Variants in PKD1L1 observed in about 807,000 individuals in gnomAD.
PKD1L1 encodes polycystin 1 like 1, transient receptor potential channel interacting.
Under a neutral mutation model 323.4 loss-of-function variants are expected in PKD1L1, and 236 were observed. The observed-to-expected ratio is 0.73, with a 90% CI of 0.66 to 0.81. The LOEUF (loss-of-function observed/expected upper bound fraction) is 0.81, where lower values mean the gene tolerates loss of function less well. Ranked by LOEUF, PKD1L1 falls within the 40% of genes least tolerant of loss-of-function variation. The pLI, the probability that PKD1L1 is intolerant of heterozygous loss-of-function variation, is 0.00. For synonymous variants in PKD1L1, 1,344 were observed against 1,335.0 expected (o/e 1.01, Z -0.15); for missense variants, 3,320 against 3,508.0 (o/e 0.95, Z 1.35).
chr7:47,944,965 C>T (rs143180456), intron 1 of PKD1L1, among the ~76,000 whole-genome samples: 1 of 152,174 alleles, frequency 6.6e-6, no homozygotes, highest in Non-Finnish European at 1.5e-5. Flanking sequence ...CCATTCCCAG[C>T]GACAGGGCAA....
At chr7:47,956,223 A>G in the PKD1L1 span, among the ~76,000 whole-genome samples, 1 of 152,204 alleles carries the variant, frequency 6.6e-6, no homozygotes, top group Admixed American at 6.5e-5. Flanking sequence ...GCAAGCCCAC[A>G]TAGCACCGCA....
upstream of PKD1L1, among the ~76,000 whole-genome samples, chr7:47,949,932 G>A (rs1788179156): frequency 6.6e-6 from 1 of 152,140 alleles, no homozygotes; most frequent in Non-Finnish European, 1.5e-5. Flanking sequence ...TGTCTCCTGG[G>A]GCCTGCTGCC....
intron 8 of PKD1L1, among the ~76,000 whole-genome samples, chr7:47,910,806 G>A (rs901907734): frequency 2.1e-5 from 3 of 140,344 alleles, no homozygotes; most frequent in Admixed American, 1.4e-4. Context: ...ACAGGTGTCC[G>A]CCACCACGCC....
intron 45 of PKD1L1, among the ~76,000 whole-genome samples, chr7:47,822,031 A>G (rs1170192164): frequency 1.3e-5 from 2 of 152,098 alleles, no homozygotes; most frequent in African/African-American, 4.8e-5. Context: ...CCATTGGATC[A>G]TCTTTCTCTC....
chr7:47,892,538 A>G (rs1198109354), intron 15 of PKD1L1, among the ~76,000 whole-genome samples: 2 of 152,136 alleles, frequency 1.3e-5, no homozygotes, highest in African/African-American at 4.8e-5. Flanking sequence ...TTTTAAAAGA[A>G]TCTGTCTCCA....
chr7:47,898,271 G>T, intron 13 of PKD1L1, 77 bp from the exon 14 acceptor site: 1 of 1,222,942 alleles, frequency 8.2e-7, no homozygotes, highest in Non-Finnish European at 1.2e-6. Context: ...TAGAAACTTA[G>T]TCTTAACTGT....
In PKD1L1 at chr7:47,809,610, T is replaced by C. The variant is rs370387311; in HGVS notation, c.7582-33A>G. ...AGAGAATGTAAACAAACAAGATCAATAGGAATGCTGATAAATTGTTTTTTG... is the reference window on the plus strand; with the variant it reads ...AGAGAATGTAAACAAACAAGATCAACAGGAATGCTGATAAATTGTTTTTTG... On this transcript the variant is annotated intron_variant, in intron 50 of 56. Coordinates refer to ENST00000289672, the MANE Select transcript of PKD1L1 (RefSeq NM_138295.5). 1.8e-5 allele frequency: 26 copies of C among 1,467,110 alleles called. No individual in the cohort carries two copies. The African/African-American group carries it at 3.0e-4, about 17-fold the overall frequency. 90.9% of individuals were successfully genotyped at this position (1,467,110 alleles called of 1,614,324 possible). A position where few individuals can be genotyped will look rare whatever the true frequency, so the allele number is the denominator to read the frequency against.
the PKD1L1 span, among the ~76,000 whole-genome samples, chr7:47,956,024 A>G: frequency 0.47 from 70,523 of 151,530 alleles, 16,923 homozygotes; most frequent in East Asian, 0.53. Flanking sequence ...CCAAACGGAG[A>G]AGTGAAGCTT....
At chr7:47,923,710 C>T (rs973851174) in intron 7 of PKD1L1, among the ~76,000 whole-genome samples, 1 of 151,708 alleles carries the variant, frequency 6.6e-6, no homozygotes, top group Non-Finnish European at 1.5e-5. Flanking sequence ...TGATTAGAAG[C>T]CAACGCCATT....
chr7:47,958,536 G>A, the PKD1L1 span, among the ~76,000 whole-genome samples: 1 of 152,064 alleles, frequency 6.6e-6, no homozygotes, highest in East Asian at 1.9e-4. Context: ...TGGGCAAGAA[G>A]TTTATGAACA....
chr7:47,865,164 C>A (rs2128743738), intron 26 of PKD1L1, 52 bp downstream of exon 26: 1 of 1,327,772 alleles, frequency 7.5e-7, no homozygotes, highest in East Asian at 2.3e-5. Flanking sequence ...TGATCATGTC[C>A]CTCAAAACTA....
chr7:47,909,610 C>T (rs888096685), intron 8 of PKD1L1, among the ~76,000 whole-genome samples: 4 of 152,212 alleles, frequency 2.6e-5, no homozygotes, highest in African/African-American at 9.7e-5. Flanking sequence ...CATCACAGAA[C>T]ACTTAGTACA....
At position 47,815,339 on chromosome 7, in the gene PKD1L1, C is replaced by A. The variant is rs749522257; in HGVS notation, c.7084G>T (p.Ala2362Ser). Residue 2362 changes from alanine (A) to serine (S), a missense_variant, in exon 47 of 57, where the codon GCT becomes TCT. Transcript: ENST00000289672. ...GGTPSARVPG[A>S]QPGALGGKCY... ...AGAGGAGACGGAAAGCTCACCTGAG[C>A]CCCCGGCACACGGGCTGACGGGGTG... 1.2e-5 allele frequency: 19 copies of A among 1,613,136 alleles called. No homozygotes were observed. The East Asian group carries it at 4.2e-4, about 36-fold the overall frequency.
At chr7:47,818,046 T>C in intron 46 of PKD1L1, 1 of 1,367,706 alleles carries the variant, frequency 7.3e-7, no homozygotes, top group Non-Finnish European at 9.8e-7. Flanking sequence ...GGGTGCTGGT[T>C]CTTAACTCTG....
intron 13 of PKD1L1, among the ~76,000 whole-genome samples, chr7:47,899,214 G>A (rs576239752): frequency 2.0e-5 from 3 of 152,266 alleles, no homozygotes; most frequent in African/African-American, 7.2e-5. Flanking sequence ...AGGGGCCTGG[G>A]GCACTCTCCT....
At chr7:47,848,113 G>A (rs577451925) in intron 31 of PKD1L1, among the ~76,000 whole-genome samples, 29 of 152,266 alleles carry the variant, frequency 1.9e-4, no homozygotes, top group African/African-American at 5.5e-4. Context: ...TGGCAAAGAC[G>A]TGGGAAAACA....
chr7:47,775,691 A>C (rs931577737), intron 56 of PKD1L1, among the ~76,000 whole-genome samples: 48 of 152,194 alleles, frequency 3.2e-4, no homozygotes, highest in African/African-American at 1.1e-3. Flanking sequence ...AAAGGTCTTA[A>C]ATGACCTTAG....
intron 7 of PKD1L1, among the ~76,000 whole-genome samples, chr7:47,928,740 T>C (rs980814211): frequency 1.7e-4 from 26 of 152,206 alleles, no homozygotes; most frequent in African/African-American, 5.8e-4. Flanking sequence ...AAAGAATTTT[T>C]TCTTACTTTT....
At chr7:47,882,847 A>G (rs1168403873) in intron 19 of PKD1L1, among the ~76,000 whole-genome samples, 3 of 152,104 alleles carry the variant, frequency 2.0e-5, no homozygotes, top group African/African-American at 7.2e-5. Flanking sequence ...TGTGGTGAAG[A>G]GTCCTCTGCC....
Sources: gnomAD v4.1 joint callset for allele counts (sites outside exome capture counted in the v4.1 genomes callset) on GRCh38, gnomAD v4.1.1 for gene constraint, MANE v1.5 for transcripts, NCBI Gene and HGNC (gene_info 2026-07-23, HGNC 2026-07-21) for gene names.